RIC1: variants seen among roughly 807,000 people sequenced by gnomAD.
RIC1 encodes the protein RIC1 partner of RAB6A GEF complex, also known as guanine nucleotide exchange factor subunit RIC1.
RIC1 carries 88 observed loss-of-function variants against 169.0 expected under a neutral mutation model. That is an observed-to-expected ratio of 0.52 (90% confidence interval 0.44 to 0.62). RIC1 has a LOEUF of 0.62. Among genes scored for constraint, RIC1 ranks in the 20% least tolerant of loss-of-function variants. The pLI is 0.00. For missense variants in RIC1, 1,877 were observed against 1,725.5 expected (o/e 1.09, Z -1.56); for synonymous variants, 790 against 601.5 (o/e 1.31, Z -4.59).
intron 17 of RIC1, among the ~76,000 whole-genome samples, chr9:5,760,281 T>G (rs1240687941): frequency 6.6e-6 from 1 of 152,208 alleles, no homozygotes; most frequent in Non-Finnish European, 1.5e-5. Context: ...GGCATACATG[T>G]AGCCCTTGCT....
At position 5,676,967 on chromosome 9, in the gene RIC1, C is replaced by A. The variant is rs377114244; in HGVS notation, c.253-12992C>A. Among the ~76,000 whole-genome samples, 8 of 151,578 alleles carry A rather than the reference C, an allele frequency of 5.3e-5. No homozygotes were observed. The East Asian group carries it at 1.3e-3, about 26-fold the overall frequency. ...ACTTGTTTCCCGTTTGGGGCTGTAA[C>A]AAACAAAACTACATGAACATTGATG... On this transcript the variant is annotated intron_variant, in intron 2 of 25. Coordinates refer to ENST00000414202, the MANE Select transcript of RIC1 (RefSeq NM_020829.4).
At chr9:5,684,320 A>G (rs1228986005) in intron 2 of RIC1, among the ~76,000 whole-genome samples, 1 of 102,682 alleles carries the variant, frequency 9.7e-6, no homozygotes, top group Non-Finnish European at 1.8e-5. Context: ...ATCAATTTAT[A>G]CAGAAATGTC....
chr9:5,671,854 A>G (rs1036448000), intron 2 of RIC1, among the ~76,000 whole-genome samples: 5 of 152,164 alleles, frequency 3.3e-5, no homozygotes, highest in Non-Finnish European at 7.4e-5. Context: ...GCCACTCCTT[A>G]AGGCACTGAG....
At chr9:5,635,419 A>G (rs908054132) in intron 1 of RIC1, among the ~76,000 whole-genome samples, 3 of 152,076 alleles carry the variant, frequency 2.0e-5, no homozygotes, top group East Asian at 1.9e-4. Flanking sequence ...TTCTAACACT[A>G]TGGTGTTGAA....
intron 1 of RIC1, among the ~76,000 whole-genome samples, chr9:5,637,356 A>G (rs1310553724): frequency 2.0e-5 from 3 of 152,170 alleles, no homozygotes; most frequent in Non-Finnish European, 4.4e-5. Context: ...GGCATGAGCC[A>G]CTATACCCAG....
At chr9:5,724,477 T>C (rs895435417) in intron 6 of RIC1, among the ~76,000 whole-genome samples, 6 of 152,228 alleles carry the variant, frequency 3.9e-5, no homozygotes, top group African/African-American at 9.6e-5. Context: ...TATGGAGTTT[T>C]CTAGATATAC....
chr9:5,637,349 A>T (rs946562052), intron 1 of RIC1, among the ~76,000 whole-genome samples: 9 of 152,246 alleles, frequency 5.9e-5, no homozygotes, highest in Admixed American at 2.6e-4. Flanking sequence ...GATTACAGGC[A>T]TGAGCCACTA....
In RIC1 at chr9:5,769,583, C is replaced by CA; in HGVS notation, c.3424+328dup. On this transcript the variant is annotated intron_variant, in intron 22 of 25. Transcript: ENST00000414202. ...GGAAGGAGTTCTGGAATCAGATAGA[C>CA]ATGGACCTCAAAGTAAGCTGACAGA... 3 of 693,754 alleles carry CA rather than the reference C, an allele frequency of 4.3e-6. No homozygotes were observed. The South Asian group carries it at 6.3e-5, about 15-fold the overall frequency. The allele number at this position is 693,754 out of a possible 1,614,324, so 43.0% of individuals were successfully genotyped here. A position where few individuals can be genotyped will look rare whatever the true frequency, so the allele number is the denominator to read the frequency against.
At position 5,656,626 on chromosome 9, in the gene RIC1, C is replaced by G; in HGVS notation, c.188C>G (p.Ser63Cys). Reference protein sequence around the residue: ...IVTYKEPAKSSTQFGSYKQAE... With the variant: ...IVTYKEPAKSCTQFGSYKQAE... ...ACCTACAAGGAGCCTGCAAAATCAT[C>G]TACTCAGTTTGGATCCTACAAGCAA... Residue 63 changes from serine to cysteine, a missense_variant, in exon 2 of 26, where the codon TCT becomes TGT. Around this residue, in one of 3 missense-constraint regions of RIC1, gnomAD observed 1,104 missense variants for 992.0 expected, o/e 1.11. Transcript: ENST00000414202. 6.2e-7 allele frequency: 1 copy of G among 1,607,902 alleles called. No individual in the cohort carries two copies. Among genetic ancestry groups the G allele is most frequent in the Non-Finnish European group, 8.5e-7 (1 of 1,176,676 alleles).
At position 5,639,029 on chromosome 9, in the gene RIC1, C is replaced by G. The variant is rs1395261952; in HGVS notation, c.144+9576C>G. ...CTCCCAAGTTCATGTGATCCTCCCA[C>G]CTCAGCCCCCTAAATAGTTGGGACT... On this transcript the variant is annotated intron_variant, in intron 1 of 25. Transcript: ENST00000414202. 3.3e-5 allele frequency among the ~76,000 whole-genome samples: 5 copies of G among 152,190 alleles called. No homozygotes were observed. The East Asian group carries it at 9.6e-4, about 29-fold the overall frequency.
At chr9:5,702,766 C>T (rs993534635) in intron 3 of RIC1, among the ~76,000 whole-genome samples, 10 of 152,068 alleles carry the variant, frequency 6.6e-5, no homozygotes, top group Non-Finnish European at 1.0e-4. Context: ...AGGCTGGTCT[C>T]GAACTCCTGA....
intron 3 of RIC1, among the ~76,000 whole-genome samples, chr9:5,704,935 G>A (rs1822475830): frequency 6.6e-6 from 1 of 152,110 alleles, no homozygotes; most frequent in South Asian, 2.1e-4. Context: ...CCCCTGTTGA[G>A]TGCACTTGGC....
At chr9:5,771,343 C>G (rs1827207809) in intron 23 of RIC1, among the ~76,000 whole-genome samples, 1 of 152,158 alleles carries the variant, frequency 6.6e-6, no homozygotes, top group Non-Finnish European at 1.5e-5. Flanking sequence ...GCTTATTTCA[C>G]TTAGCATAAT....
Position 5,757,377 on chromosome 9 carries a change from C to G in RIC1, c.1918C>G (p.Pro640Ala). ...TTCCATGTCACGCTACATTCCTCAC[C>G]CTTTCCTGGTGGTATCTGTCACTCT... Reference protein sequence around the residue: ...EVSMSRYIPHPFLVVSVTLTS... With the variant: ...EVSMSRYIPHAFLVVSVTLTS... Residue 640 changes from proline (P) to alanine (A), a missense_variant, in exon 17 of 26, where the codon CCT (proline) becomes GCT (alanine). This residue lies in a region of RIC1 where 1,104 missense variants were observed against 992.0 expected (regional missense o/e 1.11). Transcript: ENST00000414202. 1.2e-6 allele frequency: 2 copies of G among 1,614,030 alleles called. No individual in the cohort carries two copies. The highest frequency in any genetic ancestry group is 2.2e-5 in the South Asian group (2 of 91,080).
At position 5,746,013 on chromosome 9, in the gene RIC1, G is replaced by A. The variant is rs1196006885; in HGVS notation, c.1178G>A (p.Ser393Asn). Residue 393 changes from serine (S) to asparagine (N), a missense_variant, in exon 11 of 26, where the codon AGT (serine) becomes AAT (asparagine). By Grantham distance (46) the Ser-to-Asn change is conservative (BLOSUM62 1). Transcript: ENST00000414202. ...ACTGAAATTGAGTCTGACCTCAGGA[G>A]TGTAGTTAAACAGCCCAGCATCCTG... ...QNTEIESDLR[S>N]VVKQPSILLF... 5 of 1,613,602 alleles carry A rather than the reference G, an allele frequency of 3.1e-6. No individual in the cohort carries two copies. Among genetic ancestry groups the A allele is most frequent in the African/African-American group, 1.3e-5 (1 of 74,878 alleles).
rs533562693 is a variant in RIC1 at position 5,666,430 on chromosome 9, T to C, written c.252+9740T>C. 2.6e-5 allele frequency among the ~76,000 whole-genome samples: 4 copies of C among 152,318 alleles called. No homozygotes were observed. The East Asian group carries it at 7.7e-4, about 29-fold the overall frequency. ...GTGGAACTTTCAATACTATGTTGAA[T>C]TAAGTGGTAAAAGTGGGTATCCTTA... On this transcript the variant is annotated intron_variant, in intron 2 of 25. Coordinates refer to ENST00000414202, the MANE Select transcript of RIC1 (RefSeq NM_020829.4).
chr9:5,736,788 CA>C (rs1481274271), intron 7 of RIC1, among the ~76,000 whole-genome samples: 1 of 151,926 alleles, frequency 6.6e-6, no homozygotes, highest in Non-Finnish European at 1.5e-5. Context: ...ACTTGAAAAA[CA>C]GAAATTATCC....
chr9:5,656,503 CTGT>C, intron 1 of RIC1, 77 bp from the exon 2 acceptor site: 1 of 606,246 alleles, frequency 1.6e-6, no homozygotes, highest in East Asian at 2.9e-5. Flanking sequence ...TTTGAATACT[CTGT>C]TATCTTAAAT....
chr9:5,689,205 C>T (rs564320007), intron 2 of RIC1, among the ~76,000 whole-genome samples: 10 of 151,872 alleles, frequency 6.6e-5, no homozygotes, highest in East Asian at 3.9e-4. Flanking sequence ...CCTGCCACCA[C>T]GCCCGGCTAA....
Sources: gnomAD v4.1 joint callset for allele counts (sites outside exome capture counted in the v4.1 genomes callset) on GRCh38, gnomAD v4.1.1 for gene constraint, gnomAD v4.1.1 regional missense constraint, MANE v1.5 for transcripts, NCBI Gene and HGNC (gene_info 2026-07-23, HGNC 2026-07-21) for gene names.